Variants in IKZF1 observed in about 807,000 individuals in gnomAD.
IKZF1 encodes the protein DNA-binding protein Ikaros.
Under a neutral mutation model 51.7 loss-of-function variants are expected in IKZF1, and 10 were observed. That is an observed-to-expected ratio of 0.19 (90% CI 0.12 to 0.33). The LOEUF is 0.33. Ranked by LOEUF, IKZF1 falls within the 10% of genes least tolerant of loss-of-function variation. The pLI is 1.00. For synonymous variants in IKZF1, 280 were observed against 282.3 expected, an observed-to-expected ratio of 0.99 and a Z score of 0.08; for missense variants, 484 against 707.5, an observed-to-expected ratio of 0.68 and a Z score of 3.58.
At chr7:50,349,492 C>G (rs574482686) in intron 3 of IKZF1, among the ~76,000 whole-genome samples, 1 of 152,122 alleles carries the variant, frequency 6.6e-6, no homozygotes, top group Non-Finnish European at 1.5e-5. Context: ...GGAAAAGGAA[C>G]AGGGAGTGGG....
intron 1 of IKZF1, among the ~76,000 whole-genome samples, chr7:50,310,021 A>C (rs1028923469): frequency 2.0e-5 from 3 of 152,216 alleles, no homozygotes; most frequent in Non-Finnish European, 4.4e-5. Context: ...TAGGGCAGAA[A>C]ATTAAGCTGA....
chr7:50,309,816 A>G (rs2153332916), intron 1 of IKZF1, among the ~76,000 whole-genome samples: 1 of 152,350 alleles, frequency 6.6e-6, no homozygotes, highest in Non-Finnish European at 1.5e-5. Flanking sequence ...CCTAATGGGA[A>G]AAATGTTTAA....
At chr7:50,394,283 C>G in intron 7 of IKZF1, 2 of 232,986 alleles carry the variant, frequency 8.6e-6, no homozygotes, top group East Asian at 6.0e-5. Flanking sequence ...ACCTACCTTA[C>G]CCCCGCTTCA....
At position 50,311,323 on chromosome 7, in the gene IKZF1, GTTT is replaced by G. The variant is rs1790113511; in HGVS notation, c.-15+6402_-15+6404del. On this transcript the variant is annotated intron_variant, in intron 1 of 7. Transcript: ENST00000331340. The stretch of plus-strand genomic sequence containing the variant: ...TGTGCAACAATGAATCCCCTAATGT[GTTT>G]ACTCTAGAACACATGTTCTTTCTGT... Among the ~76,000 whole-genome samples, 3 of 152,242 alleles carry G rather than the reference GTTT, an allele frequency of 2.0e-5. No individual in the cohort carries two copies. In the South Asian group the frequency reaches 6.2e-4, roughly 32 times the overall value.
At chr7:50,336,264 G>C (rs1797758939) in intron 3 of IKZF1, among the ~76,000 whole-genome samples, 1 of 152,022 alleles carries the variant, frequency 6.6e-6, no homozygotes, top group Non-Finnish European at 1.5e-5. Flanking sequence ...GGGGGCAGGG[G>C]GAGGGTGCAG....
chr7:50,350,971 C>T (rs1216484871), intron 3 of IKZF1, among the ~76,000 whole-genome samples: 1 of 152,230 alleles, frequency 6.6e-6, no homozygotes, highest in Non-Finnish European at 1.5e-5. Context: ...CGTTTAAATA[C>T]TAGCTATGCA....
intron 3 of IKZF1, among the ~76,000 whole-genome samples, chr7:50,343,968 C>T (rs1379370080): frequency 6.6e-6 from 1 of 152,130 alleles, no homozygotes; most frequent in Non-Finnish European, 1.5e-5. Context: ...ACAAATAAGG[C>T]TTAATTGTGA....
At chr7:50,325,852 A>G (rs1049225016) in intron 2 of IKZF1, among the ~76,000 whole-genome samples, 1 of 152,136 alleles carries the variant, frequency 6.6e-6, no homozygotes, top group Non-Finnish European at 1.5e-5. Context: ...TTAGCATAAC[A>G]TGAACACTTT....
In IKZF1 at chr7:50,405,066, A is replaced by G. The variant is rs1304498555; in HGVS notation, c.*4439A>G. 1 of 192,170 alleles carries G rather than the reference A, an allele frequency of 5.2e-6. No homozygotes were observed. Among genetic ancestry groups the G allele is most frequent in the Admixed American group, 6.1e-5 (1 of 16,314 alleles). The allele number at this position is 192,170 out of a possible 1,614,324, so 11.9% of individuals were successfully genotyped here. ...GATGTGTCACACCTTTTCTGTCAAA[A>G]TAAAATGTCTTGGAGGTTATGACTC... On this transcript the variant is annotated 3_prime_UTR_variant, in exon 8 of 8. Coordinates refer to ENST00000331340, the MANE Select transcript of IKZF1 (RefSeq NM_006060.6).
At chr7:50,321,297 A>G (rs1221800248) in intron 2 of IKZF1, among the ~76,000 whole-genome samples, 1 of 152,196 alleles carries the variant, frequency 6.6e-6, no homozygotes, top group African/African-American at 2.4e-5. Flanking sequence ...AAAACAAAAA[A>G]CGAGTTAAAT....
intron 3 of IKZF1, among the ~76,000 whole-genome samples, chr7:50,341,086 A>G (rs1798953495): frequency 1.3e-5 from 2 of 150,598 alleles, no homozygotes; most frequent in South Asian, 2.1e-4. Flanking sequence ...CTAAAAATAT[A>G]CCCTTAAAAT....
chr7:50,353,242 A>G (rs544261411), intron 3 of IKZF1, among the ~76,000 whole-genome samples: 88 of 152,316 alleles, frequency 5.8e-4, no homozygotes, highest in Non-Finnish European at 1.1e-3. Context: ...CATGTTTCCA[A>G]AGCTTCCAGG....
rs917751399 is a variant in IKZF1, at chr7:50,405,019, A to G, written c.*4392A>G. On this transcript the variant is annotated 3_prime_UTR_variant, in exon 8 of 8. Coordinates refer to ENST00000331340, the MANE Select transcript of IKZF1 (RefSeq NM_006060.6). ...AGGACTGGGGACTGGGAGACCAAAA[A>G]TTTCTGATCCCATTTCTGATGGATG... 2 of 200,362 alleles carry G rather than the reference A, an allele frequency of 1.0e-5. No homozygotes were observed. Among genetic ancestry groups the G allele is most frequent in the African/African-American group, 4.6e-5 (2 of 43,464 alleles). 12.4% of individuals were successfully genotyped at this position (200,362 alleles called of 1,614,324 possible). A position where few individuals can be genotyped will look rare whatever the true frequency, so the allele number is the denominator to read the frequency against.
At chr7:50,355,648 A>AATAAATAT in intron 3 of IKZF1, among the ~76,000 whole-genome samples, 1 of 150,994 alleles carries the variant, frequency 6.6e-6, no homozygotes, top group East Asian at 1.9e-4. Flanking sequence ...TAAATAAATA[A>AATAAATAT]ATAAATGGAA....
intron 3 of IKZF1, among the ~76,000 whole-genome samples, chr7:50,351,763 A>G (rs1269700067): frequency 2.0e-5 from 3 of 152,202 alleles, no homozygotes; most frequent in South Asian, 4.1e-4. Context: ...GAGCATTTCA[A>G]GACTAAATTT....
chr7:50,368,644 A>C, intron 3 of IKZF1: 1 of 327,434 alleles, frequency 3.1e-6, no homozygotes, highest in Non-Finnish European at 5.6e-6. Context: ...AACCAAAAAC[A>C]GATGTGAATT....
intron 3 of IKZF1, among the ~76,000 whole-genome samples, chr7:50,371,387 A>G (rs1248062795): frequency 6.6e-6 from 1 of 152,216 alleles, no homozygotes; most frequent in Non-Finnish European, 1.5e-5. Flanking sequence ...CTCCGTCACA[A>G]CTGCATGTGT....
Position 50,327,554 on chromosome 7 carries a change from C to G in IKZF1, c.41-84C>G, listed in dbSNP as rs1028878080. ...TCCACCCAGTACCTGCCTCCTCATG[C>G]CACCCTCTCAAGCCAAAAGCCGGGG... On this transcript the variant is annotated intron_variant, in intron 2 of 7. Coordinates refer to ENST00000331340, the MANE Select transcript of IKZF1 (RefSeq NM_006060.6). 3.4e-6 allele frequency: 5 copies of G among 1,470,862 alleles called. No homozygotes were observed. In the African/African-American group the frequency reaches 7.1e-5, roughly 21 times the overall value. The allele number at this position is 1,470,862 out of a possible 1,614,324, so 91.1% of individuals were successfully genotyped here.
chr7:50,365,943 A>T (rs1162482870), intron 3 of IKZF1, among the ~76,000 whole-genome samples: 1 of 152,246 alleles, frequency 6.6e-6, no homozygotes, highest in Non-Finnish European at 1.5e-5. Flanking sequence ...CTATGCAGCC[A>T]TAAGAAAAAG....
Sources: gnomAD v4.1 joint callset for allele counts (sites outside exome capture counted in the v4.1 genomes callset) on GRCh38, gnomAD v4.1.1 for gene constraint, MANE v1.5 for transcripts, NCBI Gene and HGNC (gene_info 2026-07-23, HGNC 2026-07-21) for gene names.